The following STK32B variants were observed in gnomAD, a reference collection of about 807,000 sequenced individuals.
The protein encoded by STK32B is serine/threonine kinase 32B, also known as serine/threonine-protein kinase 32B.
A neutral mutation model predicts 52.6 loss-of-function variants in STK32B; 43 were observed. The observed-to-expected ratio is 0.82, with a 90% CI of 0.64 to 1.05. The LOEUF is 1.05. STK32B is among the 50% of genes least tolerant of loss of function. STK32B has a pLI of 0.00. For missense variants in STK32B, 621 were observed against 534.6 expected (o/e 1.16, Z -1.59); for synonymous variants, 238 against 204.3 (o/e 1.17, Z -1.41).
chr4:5,074,781 T>C (rs1263245054), intron 1 of STK32B, among the ~76,000 whole-genome samples: 2 of 152,174 alleles, frequency 1.3e-5, no homozygotes, highest in African/African-American at 4.8e-5. Flanking sequence ...AGTGTTGAGT[T>C]TTATTCCACT....
At chr4:5,153,838 G>A (rs1179101341) in intron 2 of STK32B, among the ~76,000 whole-genome samples, 3 of 152,134 alleles carry the variant, frequency 2.0e-5, no homozygotes, top group Non-Finnish European at 4.4e-5. Flanking sequence ...TAGCAAGCTT[G>A]AAGAATACAA....
At chr4:5,446,201 C>T (rs545219306) in intron 6 of STK32B, among the ~76,000 whole-genome samples, 49 of 152,248 alleles carry the variant, frequency 3.2e-4, no homozygotes, top group Non-Finnish European at 5.6e-4. Context: ...TGTTCTCAGA[C>T]AGCTCATGGC....
chr4:5,459,852 G>T (rs1716890493), intron 8 of STK32B, among the ~76,000 whole-genome samples: 1 of 152,204 alleles, frequency 6.6e-6, no homozygotes, highest in Admixed American at 6.5e-5. Flanking sequence ...GGGGCTGAAA[G>T]TCTGGTCCCT....
At chr4:5,476,289 T>C (rs1718236058) in intron 11 of STK32B, among the ~76,000 whole-genome samples, 1 of 152,170 alleles carries the variant, frequency 6.6e-6, no homozygotes. Context: ...AGAGTGGGGA[T>C]TCCACACATA....
intron 3 of STK32B, among the ~76,000 whole-genome samples, chr4:5,285,016 A>G (rs990284630): frequency 2.7e-5 from 4 of 147,490 alleles, no homozygotes; most frequent in African/African-American, 5.4e-5. Flanking sequence ...CAAATTGTTC[A>G]TCTTATAAAC....
the STK32B span, among the ~76,000 whole-genome samples, chr4:5,041,379 C>T: frequency 3.9e-5 from 6 of 152,176 alleles, no homozygotes; most frequent in East Asian, 1.9e-4. Context: ...ACAGATGTTG[C>T]GTTTGGCAGC....
At chr4:5,347,629 C>A (rs1349903781) in intron 4 of STK32B, among the ~76,000 whole-genome samples, 1 of 152,146 alleles carries the variant, frequency 6.6e-6, no homozygotes, top group East Asian at 1.9e-4. Context: ...TGTGTCCCCA[C>A]CCAAATCTCA....
At chr4:5,173,744 T>C (rs555385873) in intron 3 of STK32B, among the ~76,000 whole-genome samples, 37 of 152,314 alleles carry the variant, frequency 2.4e-4, no homozygotes, top group African/African-American at 8.7e-4. Context: ...AATTTTGGAA[T>C]AGGTGTGGTG....
intron 10 of STK32B, 68 bp downstream of exon 10, chr4:5,466,902 C>G: frequency 1.3e-6 from 2 of 1,536,340 alleles, no homozygotes; most frequent in South Asian, 2.5e-5. Context: ...CTGAGCCAGG[C>G]CACTGTTTAG....
At chr4:5,257,614 A>G (rs940098824) in intron 3 of STK32B, among the ~76,000 whole-genome samples, 31 of 152,322 alleles carry the variant, frequency 2.0e-4, no homozygotes, top group South Asian at 4.1e-4. Context: ...CGCTTCTGCC[A>G]TGATCGCTTC....
chr4:5,055,027 G>A (rs1741946239), intron 1 of STK32B, among the ~76,000 whole-genome samples: 2 of 152,094 alleles, frequency 1.3e-5, no homozygotes, highest in South Asian at 4.2e-4. Context: ...CTAACATTTG[G>A]TGAAAAAGGG....
At chr4:5,268,355 G>C (rs1421940346) in intron 3 of STK32B, among the ~76,000 whole-genome samples, 3 of 152,112 alleles carry the variant, frequency 2.0e-5, no homozygotes, top group African/African-American at 7.2e-5. Flanking sequence ...GTTTGGAAAT[G>C]TATCTGCCTC....
At chr4:5,098,795 A>G (rs916145012) in intron 1 of STK32B, among the ~76,000 whole-genome samples, 13 of 152,236 alleles carry the variant, frequency 8.5e-5, no homozygotes, top group African/African-American at 2.9e-4. Context: ...ACTAAACAGC[A>G]TGGGGTGATG....
At chr4:5,152,690 A>G (rs1717471480) in intron 2 of STK32B, among the ~76,000 whole-genome samples, 1 of 152,280 alleles carries the variant, frequency 6.6e-6, no homozygotes, top group African/African-American at 2.4e-5. Flanking sequence ...CTGCCCGTGC[A>G]GCATTGCCTG....
rs1194742604 is a variant in STK32B, at chr4:5,051,885, A to G, written c.22A>G (p.Lys8Glu). 15 of 1,600,438 alleles carry G rather than the reference A, an allele frequency of 9.4e-6. No individual in the cohort carries two copies. The highest frequency in any genetic ancestry group is 1.3e-5 in the Non-Finnish European group (15 of 1,173,956). MGGNHSH[K>E]PPVFDENEEV... ...GAATATGGGCGGGAACCACTCCCAC[A>G]AGCCCCCCGTGTTTGACGAGAATGA... Residue 8 changes from lysine to glutamate, a missense_variant, in exon 1 of 12, where the codon AAG (lysine) becomes GAG (glutamate). Physicochemically the swap from Lys to Glu is moderately conservative, Grantham distance 56 (BLOSUM62 1). Transcript: ENST00000282908.
At chr4:5,130,211 G>A (rs902286121) in intron 1 of STK32B, among the ~76,000 whole-genome samples, 1 of 151,838 alleles carries the variant, frequency 6.6e-6, no homozygotes, top group Admixed American at 6.6e-5. Flanking sequence ...CAGCACTGGG[G>A]CACCATGACC....
intron 4 of STK32B, among the ~76,000 whole-genome samples, chr4:5,333,646 T>G (rs1732425762): frequency 6.6e-6 from 1 of 152,222 alleles, no homozygotes; most frequent in African/African-American, 2.4e-5. Context: ...TTTGAATTAA[T>G]TTTTGTATAA....
Position 5,405,275 on chromosome 4 carries a change from A to G in STK32B, c.472+7031A>G, listed in dbSNP as rs142712014. ...AGTGAGGGACTGCCCAAGTCAGACC[A>G]AGAGCTTGGAGGACCAGGAGAGAGG... is the stretch of plus-strand genomic sequence containing the variant. On this transcript the variant is annotated intron_variant, in intron 5 of 11. Coordinates refer to ENST00000282908, the MANE Select transcript of STK32B (RefSeq NM_018401.3). Among the ~76,000 whole-genome samples the G allele has an allele frequency of 3.7e-4, 56 of 151,898 alleles. No individual in the cohort carries two copies. In the East Asian group the frequency reaches 9.1e-3, roughly 25 times the overall value.
chr4:5,143,336 G>A (rs1716650629), intron 2 of STK32B, among the ~76,000 whole-genome samples: 1 of 152,158 alleles, frequency 6.6e-6, no homozygotes, highest in South Asian at 2.1e-4. Context: ...TCTCCTTGGT[G>A]CTTTTGACTC....
Sources: gnomAD v4.1 joint callset for allele counts (sites outside exome capture counted in the v4.1 genomes callset) on GRCh38, gnomAD v4.1.1 for gene constraint, MANE v1.5 for transcripts, NCBI Gene and HGNC (gene_info 2026-07-23, HGNC 2026-07-21) for gene names.